The following RBM27 variants were observed in gnomAD, a reference collection of about 807,000 sequenced individuals.
The protein encoded by RBM27 is RNA-binding protein 27.
RBM27 carries 22 observed loss-of-function variants against 135.3 expected under a neutral mutation model. The observed-to-expected ratio is 0.16, with a 90% CI of 0.12 to 0.23. RBM27 has a LOEUF of 0.23. Ranked by LOEUF, RBM27 falls within the 10% of genes least tolerant of loss-of-function variation. RBM27 has a pLI of 1.00. For missense variants in RBM27, 1,009 were observed against 1,281.0 expected, an observed-to-expected ratio of 0.79 and a Z score of 3.24; for synonymous variants, 481 against 442.4, an observed-to-expected ratio of 1.09 and a Z score of -1.10.
At chr5:146,222,799 G>A (rs1756512780) in intron 2 of RBM27, among the ~76,000 whole-genome samples, 1 of 152,114 alleles carries the variant, frequency 6.6e-6, no homozygotes. Flanking sequence ...CACCCTTTAA[G>A]TAAAACACAA....
intron 14 of RBM27, 23 bp downstream of exon 14, chr5:146,263,654 G>T (rs775869606): frequency 6.2e-7 from 1 of 1,611,450 alleles, no homozygotes; most frequent in South Asian, 1.1e-5. Flanking sequence ...GGGAGCTTCA[G>T]ATATATTTAG....
chr5:146,223,495 C>G lies in RBM27; in HGVS notation c.271C>G (p.Leu91Val). ...LEPVKPEPKP[L>V]VQEKEEIKEE... ...ACCAGTAAAGCCTGAGCCAAAACCA[C>G]TAGTCCAAGAAAAAGAAGAAATTAA... The change falls in exon 3 of 21, where the codon CTA (leucine) becomes GTA (valine). Residue 91 changes from leucine (L) to valine (V), a missense_variant. Leu to Val is a conservative substitution (Grantham distance 32, BLOSUM62 1). This residue lies in a region of RBM27 where 268 missense variants were observed against 326.6 expected (regional missense o/e 0.82). Transcript: ENST00000265271. 3 of 1,607,910 alleles carry G rather than the reference C, an allele frequency of 1.9e-6. No homozygotes were observed. The highest frequency in any genetic ancestry group is 2.5e-6 in the Non-Finnish European group (3 of 1,177,748).
intron 15 of RBM27, 71 bp downstream of exon 15, chr5:146,267,839 CTT>C (rs1239428071): frequency 1.4e-6 from 2 of 1,465,216 alleles, no homozygotes; most frequent in Non-Finnish European, 1.9e-6. Flanking sequence ...TACATTATCA[CTT>C]TTAAATCAGT....
intron 1 of RBM27, among the ~76,000 whole-genome samples, chr5:146,206,295 C>T (rs778547541): frequency 2.8e-5 from 3 of 105,784 alleles, no homozygotes; most frequent in South Asian, 3.0e-4. Context: ...TAGTGCTTTT[C>T]GTTTTTTGTT....
intron 3 of RBM27, among the ~76,000 whole-genome samples, chr5:146,224,966 C>T (rs1756606817): frequency 6.6e-6 from 1 of 152,126 alleles, no homozygotes; most frequent in South Asian, 2.1e-4. Flanking sequence ...TAAAGTACTT[C>T]AGTGTGTATT....
chr5:146,237,512 A>C, intron 8 of RBM27, 80 bp downstream of exon 8: 1 of 1,437,196 alleles, frequency 7.0e-7, no homozygotes, highest in Non-Finnish European at 9.6e-7. Flanking sequence ...CCCTTTAAAA[A>C]ATGGTAAATA....
intron 11 of RBM27, among the ~76,000 whole-genome samples, chr5:146,258,839 A>G (rs1299849444): frequency 6.6e-6 from 1 of 151,708 alleles, no homozygotes; most frequent in Non-Finnish European, 1.5e-5. Context: ...GCTCACCTCA[A>G]CCTCTGCCTC....
intron 1 of RBM27, among the ~76,000 whole-genome samples, chr5:146,204,249 C>T (rs1170444899): frequency 6.6e-6 from 1 of 152,012 alleles, no homozygotes; most frequent in Non-Finnish European, 1.5e-5. Flanking sequence ...TATTCCGGGA[C>T]TGAAAGGTCT....
Position 146,286,058 on chromosome 5 carries a change from G to A in RBM27, c.*28G>A. The A allele has an allele frequency of 7.7e-6, 12 of 1,553,846 alleles. No individual in the cohort carries two copies. Among genetic ancestry groups the A allele is most frequent in the Non-Finnish European group, 8.7e-6 (10 of 1,148,506 alleles). On this transcript the variant is annotated 3_prime_UTR_variant, in exon 21 of 21. Transcript: ENST00000265271. Reference sequence around the variant, plus strand: ...TCTGATGCTAGCTGTATAATTTTTAGGAATATTGTTTAGAAGAACAACTTT... The same window carrying A: ...TCTGATGCTAGCTGTATAATTTTTAAGAATATTGTTTAGAAGAACAACTTT...
chr5:146,281,127 GC>G (rs2126915412), intron 19 of RBM27, among the ~76,000 whole-genome samples: 1 of 152,268 alleles, frequency 6.6e-6, no homozygotes, highest in African/African-American at 2.4e-5. Context: ...ACAGGCGTGA[GC>G]CCCTGCGCCC....
chr5:146,221,141 C>G (rs144553837), intron 2 of RBM27, among the ~76,000 whole-genome samples: 3,134 of 146,472 alleles, frequency 0.021, 101 homozygotes, highest in African/African-American at 0.071. Flanking sequence ...GAGCAAGACT[C>G]CATCTCAAAA....
At chr5:146,267,926 A>T (rs940538354) in intron 15 of RBM27, among the ~76,000 whole-genome samples, 158 bp downstream of exon 15, 1 of 151,796 alleles carries the variant, frequency 6.6e-6, no homozygotes, top group African/African-American at 2.4e-5. Context: ...AAAAAGGTGG[A>T]CATACAGAAA....
In RBM27 at chr5:146,207,553, T is replaced by C. The variant is rs1368230363; in HGVS notation, c.59+3729T>C. On this transcript the variant is annotated intron_variant, in intron 1 of 20. Transcript: ENST00000265271. The stretch of plus-strand genomic sequence containing the variant: ...TTCTATTACATTTTCTTATTTAGCT[T>C]AGTTTACAGTAAATTAAATTTATGA... Among the ~76,000 whole-genome samples the C allele has an allele frequency of 2.6e-5, 4 of 151,984 alleles. No homozygotes were observed. In the East Asian group the frequency reaches 7.7e-4, roughly 29 times the overall value.
chr5:146,256,692 C>T (rs1031835750), intron 10 of RBM27, among the ~76,000 whole-genome samples: 3 of 151,956 alleles, frequency 2.0e-5, no homozygotes. Flanking sequence ...TATTTTTATT[C>T]TCCTTTTACA....
intron 5 of RBM27, among the ~76,000 whole-genome samples, chr5:146,230,420 T>G (rs961795401): frequency 6.6e-6 from 1 of 152,160 alleles, no homozygotes; most frequent in Non-Finnish European, 1.5e-5. Context: ...TTCAGTTAAG[T>G]GTAACTGATG....
chr5:146,232,844 G>A (rs1451488847), intron 6 of RBM27, among the ~76,000 whole-genome samples: 8 of 152,222 alleles, frequency 5.3e-5, no homozygotes, highest in Non-Finnish European at 7.3e-5. Flanking sequence ...TGATATTACA[G>A]GCGTGAGCGA....
At chr5:146,279,895 CTTAGGTATCT>C (rs1759259558) in intron 19 of RBM27, among the ~76,000 whole-genome samples, 1 of 151,218 alleles carries the variant, frequency 6.6e-6, no homozygotes, top group Non-Finnish European at 1.5e-5. Context: ...AGTCACTATT[CTTAGGTATCT>C]TTATAGAAAA....
intron 19 of RBM27, among the ~76,000 whole-genome samples, chr5:146,273,913 A>G (rs1027271475): frequency 2.0e-5 from 3 of 152,262 alleles, no homozygotes; most frequent in Admixed American, 6.5e-5. Context: ...AGCTATAAGT[A>G]TGCTCATTAT....
At chr5:146,214,041 G>C (rs571816206) in intron 1 of RBM27, among the ~76,000 whole-genome samples, 1 of 152,252 alleles carries the variant, frequency 6.6e-6, no homozygotes, top group Non-Finnish European at 1.5e-5. Context: ...TTTTCCTGCA[G>C]ATGTACATTA....
Sources: allele counts gnomAD v4.1 joint callset (sites outside exome capture counted in the v4.1 genomes callset), GRCh38; gene constraint gnomAD v4.1.1; regional missense constraint gnomAD v4.1.1; transcripts MANE v1.5; gene names NCBI Gene and HGNC (gene_info 2026-07-23, HGNC 2026-07-21).